GPAM: variants seen among roughly 807,000 people sequenced by gnomAD.
The protein encoded by GPAM is glycerol-3-phosphate acyltransferase, mitochondrial, also known as glycerol-3-phosphate acyltransferase 1, mitochondrial.
GPAM carries 56 observed loss-of-function variants against 105.0 expected under a neutral mutation model. The ratio of observed to expected loss-of-function variants is 0.53; its 90% CI spans 0.43 to 0.67. The LOEUF (loss-of-function observed/expected upper bound fraction) is 0.67, where lower values mean the gene tolerates loss of function less well. GPAM is among the 30% of genes least tolerant of loss of function. The pLI is 0.00. For missense variants in GPAM, 855 were observed against 989.8 expected (o/e 0.86, Z 1.83); for synonymous variants, 368 against 354.4 (o/e 1.04, Z -0.43).
At position 112,181,751 on chromosome 10, in the gene GPAM, C is replaced by A. The variant is rs750218814; in HGVS notation, c.34G>T (p.Asp12Tyr). ...GATGAATGTGGCAGATAAGAAACAT[C>A]TATTGTACCAAGGGTCAGTGCAGAT... ...DESALTLGTI[D>Y]VSYLPHSSEY... is the part of the protein sequence containing the mutation. Residue 12 changes from aspartate to tyrosine, a missense_variant, in exon 3 of 22, where the codon GAT becomes TAT. Transcript: ENST00000348367. 1 of 1,609,290 alleles carries A rather than the reference C, an allele frequency of 6.2e-7. No individual in the cohort carries two copies. The highest frequency in any genetic ancestry group is 8.5e-7 in the Non-Finnish European group (1 of 1,175,724).
intron 1 of GPAM, among the ~76,000 whole-genome samples, chr10:112,210,712 C>T (rs1360113402): frequency 6.6e-6 from 1 of 152,240 alleles, no homozygotes; most frequent in African/African-American, 2.4e-5. Flanking sequence ...TTTCATCGCC[C>T]TCTGCAAACT....
chr10:112,169,115 G>A (rs1847270066), intron 9 of GPAM, among the ~76,000 whole-genome samples, 163 bp from the exon 10 acceptor site: 1 of 151,958 alleles, frequency 6.6e-6, no homozygotes, highest in African/African-American at 2.4e-5. Context: ...CCATATTATC[G>A]ACATGTTTCA....
At chr10:112,157,212 T>A in intron 19 of GPAM, 37 bp downstream of exon 19, 1 of 1,585,484 alleles carries the variant, frequency 6.3e-7, no homozygotes, top group Non-Finnish European at 8.7e-7. Context: ...CCTCAACATA[T>A]CCCTGTAATA....
At position 112,167,464 on chromosome 10, in the gene GPAM, A is replaced by G. The variant is rs2792733; in HGVS notation, c.1107+848T>C. ...CATCAAGAAAAAATATCCAAGAATG[A>G]TTACAGCCAAACATTTTGTTAACAG... On this transcript the variant is annotated intron_variant, in intron 11 of 21. Coordinates refer to ENST00000348367, the MANE Select transcript of GPAM (RefSeq NM_001244949.2). Among the ~76,000 whole-genome samples, 1,363 of 152,328 alleles carry G rather than the reference A, an allele frequency of 8.9e-3. 23 individuals are homozygous for G. Among genetic ancestry groups the G allele is most frequent in the African/African-American group, 0.031 (1,295 of 41,566 alleles).
chr10:112,199,882 G>A (rs1222174869), intron 1 of GPAM, among the ~76,000 whole-genome samples: 5 of 152,066 alleles, frequency 3.3e-5, no homozygotes, highest in Non-Finnish European at 1.5e-5. Flanking sequence ...TCTCCACCTG[G>A]CCCTGCACTT....
intron 21 of GPAM, 50 bp downstream of exon 21, chr10:112,154,579 A>C (rs1437344465): frequency 7.7e-7 from 1 of 1,294,298 alleles, no homozygotes; most frequent in East Asian, 2.3e-5. Context: ...CTAGATCTAA[A>C]GAGAACAGAA....
intron 1 of GPAM, among the ~76,000 whole-genome samples, chr10:112,203,551 C>T (rs1847824227): frequency 6.6e-6 from 1 of 152,176 alleles, no homozygotes; most frequent in Non-Finnish European, 1.5e-5. Context: ...CAGAATGAGT[C>T]AACCTCAAAT....
At chr10:112,190,508 A>T (rs1264683212) in intron 1 of GPAM, among the ~76,000 whole-genome samples, 38 of 148,988 alleles carry the variant, frequency 2.6e-4, no homozygotes, top group Non-Finnish European at 1.5e-5. Flanking sequence ...TTAAAAAAAA[A>T]AAAAAAGAAA....
chr10:112,204,013 C>A, intron 1 of GPAM, among the ~76,000 whole-genome samples: 1 of 152,180 alleles, frequency 6.6e-6, no homozygotes, highest in East Asian at 1.9e-4. Context: ...GCCAGGCTAC[C>A]AAACACCAAG....
intron 7 of GPAM, 49 bp from the exon 8 acceptor site, chr10:112,173,115 T>C: frequency 9.7e-7 from 1 of 1,033,062 alleles, no homozygotes; most frequent in East Asian, 2.4e-5. Context: ...ACACACGTTA[T>C]TTTTACATAC....
chr10:112,200,208 A>ATATATATATT (rs1847778754), intron 1 of GPAM, among the ~76,000 whole-genome samples: 1 of 102,942 alleles, frequency 9.7e-6, no homozygotes, highest in Non-Finnish European at 2.0e-5. Flanking sequence ...ATATATATAT[A>ATATATATATT]TTTCAGTCCA....
At chr10:112,157,515 TA>T in intron 18 of GPAM, 126 bp from the exon 19 acceptor site, 1 of 836,882 alleles carries the variant, frequency 1.2e-6, no homozygotes. Flanking sequence ...TAGCCACTCA[TA>T]ATGTCAGTCC....
chr10:112,156,081 T>G (rs753620075), intron 19 of GPAM, 28 bp from the exon 20 acceptor site: 1 of 1,549,336 alleles, frequency 6.5e-7, no homozygotes, highest in Non-Finnish European at 8.9e-7. Flanking sequence ...GGAGATGAAG[T>G]CATGAGGAAG....
rs1303653579 is a variant in GPAM at position 112,150,996 on chromosome 10, GT to G, written c.*2553del. The G allele has an allele frequency of 1.0e-5, 10 of 985,412 alleles. 1 individual carries two copies. In the Middle Eastern group the frequency reaches 2.1e-3, roughly 204 times the overall value. The allele number at this position is 985,412 out of a possible 1,614,324, so 61.0% of individuals were successfully genotyped here. ...TAACAGTTCTACACATTTCCCACTA[GT>G]TTTTGCCTTTGTTTTTCATGCATTT... On this transcript the variant is annotated 3_prime_UTR_variant, in exon 22 of 22. Coordinates refer to ENST00000348367, the MANE Select transcript of GPAM (RefSeq NM_001244949.2).
chr10:112,220,767 T>C, the GPAM span, among the ~76,000 whole-genome samples: 1 of 152,116 alleles, frequency 6.6e-6, no homozygotes, highest in South Asian at 2.1e-4. Flanking sequence ...TACCCAATGA[T>C]GTGTACCATT....
At chr10:112,198,143 T>C (rs74156599) in intron 1 of GPAM, among the ~76,000 whole-genome samples, 1,644 of 152,268 alleles carry the variant, frequency 0.011, 36 homozygotes, top group African/African-American at 0.038. Flanking sequence ...AGTTAAAATA[T>C]GTAAGGCACT....
chr10:112,165,909 T>C (rs939243291), intron 12 of GPAM, among the ~76,000 whole-genome samples: 1 of 152,204 alleles, frequency 6.6e-6, no homozygotes, highest in East Asian at 1.9e-4. Flanking sequence ...GTACATATTT[T>C]GGGGTACATG....
At chr10:112,162,956 G>A (rs1170376395) in intron 14 of GPAM, among the ~76,000 whole-genome samples, 1 of 152,166 alleles carries the variant, frequency 6.6e-6, no homozygotes, top group Non-Finnish European at 1.5e-5. Context: ...GGAGGAGCAA[G>A]GTGAGGGAGG....
At chr10:112,183,369 C>T (rs1056543792) in intron 1 of GPAM, among the ~76,000 whole-genome samples, 3 of 152,252 alleles carry the variant, frequency 2.0e-5, no homozygotes, top group African/African-American at 4.8e-5. Context: ...CTTACTGCCT[C>T]AATGTTCCCT....
Sources: gnomAD v4.1 joint callset for allele counts (sites outside exome capture counted in the v4.1 genomes callset) on GRCh38, gnomAD v4.1.1 for gene constraint, MANE v1.5 for transcripts, NCBI Gene and HGNC (gene_info 2026-07-23, HGNC 2026-07-21) for gene names.